Variants in CSMD1 observed in about 807,000 individuals in gnomAD.
The protein encoded by CSMD1 is CUB and sushi domain-containing protein 1.
CSMD1 carries 213 observed loss-of-function variants against 417.5 expected under a neutral mutation model. The observed-to-expected ratio is 0.51, with a 90% CI of 0.46 to 0.57. The LOEUF (loss-of-function observed/expected upper bound fraction) is 0.57, where lower values mean the gene tolerates loss of function less well. Among genes scored for constraint, CSMD1 ranks in the 20% least tolerant of loss-of-function variants. CSMD1 has a pLI of 0.00. For missense variants in CSMD1, 6,923 were observed against 4,529.7 expected (o/e 1.53, Z -15.17); for synonymous variants, 2,862 against 1,736.8 (o/e 1.65, Z -16.11).
intron 1 of CSMD1, among the ~76,000 whole-genome samples, chr8:4,652,297 T>G (rs1459592283): frequency 6.6e-6 from 1 of 152,162 alleles, no homozygotes; most frequent in Non-Finnish European, 1.5e-5. Flanking sequence ...GGAATAACTG[T>G]GAAGAGACAT....
intron 3 of CSMD1, among the ~76,000 whole-genome samples, chr8:4,143,868 C>G (rs552184015): frequency 1.3e-5 from 2 of 151,086 alleles, no homozygotes; most frequent in South Asian, 2.1e-4. Flanking sequence ...CTCAGTTACC[C>G]CTTATCTGGA....
chr8:4,737,883 C>T (rs767160748), intron 1 of CSMD1, among the ~76,000 whole-genome samples: 2 of 152,056 alleles, frequency 1.3e-5, no homozygotes, highest in Non-Finnish European at 1.5e-5. Context: ...AAGTTAATCC[C>T]AGATAATAAG....
chr8:4,693,024 T>C (rs965921758), intron 1 of CSMD1, among the ~76,000 whole-genome samples: 4 of 152,184 alleles, frequency 2.6e-5, no homozygotes, highest in Non-Finnish European at 4.4e-5. Context: ...TCAACTCCTG[T>C]CCAGAGGCCA....
In CSMD1 at chr8:3,162,241, G is replaced by A. The variant is rs1202357181; in HGVS notation, c.5762C>T (p.Pro1921Leu). 6.2e-7 allele frequency: 1 copy of A among 1,610,758 alleles called. No homozygotes were observed. The highest frequency in any genetic ancestry group is 2.2e-5 in the East Asian group (1 of 44,844). The change falls in exon 38 of 70, where the codon CCC (proline) becomes CTC (leucine). Residue 1921 changes from proline (P) to leucine (L), a missense_variant. By Grantham distance (98) the Pro-to-Leu change is moderately conservative (BLOSUM62 -3). Transcript: ENST00000635120. Reference protein sequence around the residue: ...GLAACQEPALPSNSIKIGDRY... With the variant: ...GLAACQEPALLSNSIKIGDRY... ...ATCTCCGATTTTGATGCTGTTGCTG[G>A]GGAGGGCTGGTTCTTGGCATGCAGC...
At chr8:3,307,590 T>C (rs1563253481) in intron 25 of CSMD1, 105 bp downstream of exon 25, 2 of 1,298,806 alleles carry the variant, frequency 1.5e-6, no homozygotes, top group East Asian at 2.4e-5. Flanking sequence ...TCTTCTTTAG[T>C]TCAGAAACTT....
At chr8:4,959,219 G>A (rs992535570) in intron 1 of CSMD1, among the ~76,000 whole-genome samples, 9 of 152,088 alleles carry the variant, frequency 5.9e-5, no homozygotes, top group Admixed American at 2.6e-4. Flanking sequence ...GCCATGAAGC[G>A]GTGCTTGTTA....
Position 4,364,824 on chromosome 8 carries a change from C to CAAAAAAAAAA in CSMD1, c.415+55119_415+55128dup, listed in dbSNP as rs60925117. On this transcript the variant is annotated intron_variant, in intron 3 of 69. Coordinates refer to ENST00000635120, the MANE Select transcript of CSMD1 (RefSeq NM_033225.6). The stretch of plus-strand genomic sequence containing the variant: ...TGCGCGACAGAGCGAGACTCCTTCT[C>CAAAAAAAAAA]AAAAAAAAAAAAAAAAAAAAAAAAA... Among the ~76,000 whole-genome samples, 10 of 84,918 alleles carry CAAAAAAAAAA rather than the reference C, an allele frequency of 1.2e-4. 4 individuals carry two copies. Among genetic ancestry groups the CAAAAAAAAAA allele is most frequent in the Admixed American group, 5.5e-4 (4 of 7,282 alleles). The allele number at this position is 84,918 out of a possible 152,430, so 55.7% of individuals were successfully genotyped here.
At chr8:3,919,487 G>A (rs1584964463) in intron 5 of CSMD1, among the ~76,000 whole-genome samples, 1 of 152,094 alleles carries the variant, frequency 6.6e-6, no homozygotes, top group East Asian at 1.9e-4. Flanking sequence ...TGTATTATTG[G>A]TCTATGTGTC....
At chr8:4,255,660 C>G (rs114484111) in intron 3 of CSMD1, among the ~76,000 whole-genome samples, 1,607 of 152,244 alleles carry the variant, frequency 0.011, 39 homozygotes, top group African/African-American at 0.037. Context: ...TTGGACTTTG[C>G]TAATATGTAT....
intron 6 of CSMD1, among the ~76,000 whole-genome samples, chr8:3,747,384 C>CTT (rs35273023): frequency 1.3e-5 from 2 of 151,660 alleles, no homozygotes; most frequent in African/African-American, 2.4e-5. Flanking sequence ...TTTGAAAACA[C>CTT]TTTTTTCACA....
At chr8:4,811,522 T>C (rs1269310199) in intron 1 of CSMD1, among the ~76,000 whole-genome samples, 1 of 152,126 alleles carries the variant, frequency 6.6e-6, no homozygotes, top group Non-Finnish European at 1.5e-5. Flanking sequence ...ATTGCTGCCA[T>C]AGAAACAAGA....
chr8:4,461,744 T>TTTC (rs1799838754), intron 2 of CSMD1, among the ~76,000 whole-genome samples: 1 of 132,864 alleles, frequency 7.5e-6, no homozygotes, highest in African/African-American at 2.9e-5. Flanking sequence ...TTTACTTATT[T>TTTC]TTTTTTTTTT....
chr8:3,942,892 A>C (rs1014780534), intron 5 of CSMD1, among the ~76,000 whole-genome samples: 2 of 152,158 alleles, frequency 1.3e-5, no homozygotes, highest in African/African-American at 2.4e-5. Flanking sequence ...AAATGAATAC[A>C]TCATTGTGAT....
chr8:4,095,556 G>T (rs1032953060), intron 3 of CSMD1, among the ~76,000 whole-genome samples: 9 of 152,184 alleles, frequency 5.9e-5, no homozygotes, highest in Non-Finnish European at 1.3e-4. Context: ...TTAAGGAACT[G>T]GGAATAAATG....
intron 6 of CSMD1, among the ~76,000 whole-genome samples, chr8:3,728,306 C>T (rs777876170): frequency 1.3e-5 from 2 of 152,086 alleles, no homozygotes; most frequent in African/African-American, 2.4e-5. Flanking sequence ...CCTTCATCTT[C>T]CACCATGACT....
chr8:3,294,491 G>GT (rs1563236756), intron 25 of CSMD1, among the ~76,000 whole-genome samples: 1 of 152,112 alleles, frequency 6.6e-6, no homozygotes, highest in African/African-American at 2.4e-5. Context: ...CTTCTGGGCC[G>GT]TTTTTTTAGT....
At chr8:3,872,412 T>G (rs969692592) in intron 5 of CSMD1, among the ~76,000 whole-genome samples, 1 of 152,148 alleles carries the variant, frequency 6.6e-6, no homozygotes, top group Non-Finnish European at 1.5e-5. Context: ...ACTACCTTCC[T>G]GAAGTGTCCA....
At chr8:4,924,886 C>G (rs932232705) in intron 1 of CSMD1, among the ~76,000 whole-genome samples, 1 of 152,126 alleles carries the variant, frequency 6.6e-6, no homozygotes, top group Non-Finnish European at 1.5e-5. Context: ...CAGCACAAGA[C>G]AAAACTGGGA....
intron 8 of CSMD1, among the ~76,000 whole-genome samples, chr8:3,600,926 G>T (rs1318150269): frequency 6.6e-6 from 1 of 152,190 alleles, no homozygotes; most frequent in African/African-American, 2.4e-5. Flanking sequence ...GATTGAAAAT[G>T]TGGATAGAGA....
Sources: gnomAD v4.1 joint callset for allele counts (sites outside exome capture counted in the v4.1 genomes callset) on GRCh38, gnomAD v4.1.1 for gene constraint, MANE v1.5 for transcripts, NCBI Gene and HGNC (gene_info 2026-07-23, HGNC 2026-07-21) for gene names.